The following SLC27A3 variants were observed in gnomAD, a reference collection of about 807,000 sequenced individuals.
SLC27A3 encodes long-chain fatty acid transport protein 3.
Under a neutral mutation model 60.1 loss-of-function variants are expected in SLC27A3, and 60 were observed. The observed-to-expected ratio is 1.00, with a 90% CI of 0.81 to 1.24. SLC27A3 has a LOEUF of 1.24. SLC27A3 is among the 50% of genes most tolerant of loss of function. The probability of loss-of-function intolerance (pLI) is 0.00; values close to 1 mark genes in which losing one functional copy is unlikely to be tolerated. For synonymous variants in SLC27A3, 455 were observed against 409.0 expected (o/e 1.11, Z -1.36); for missense variants, 1,079 against 929.9 (o/e 1.16, Z -2.09).
At position 153,779,450 on chromosome 1, in the gene SLC27A3, C is replaced by G; in HGVS notation, c.1852C>G (p.Arg618Gly). The G allele has an allele frequency of 6.2e-7, 1 of 1,613,648 alleles. No individual in the cohort carries two copies. Among genetic ancestry groups the G allele is most frequent in the Non-Finnish European group, 8.5e-7 (1 of 1,179,960 alleles). The change falls in exon 9 of 10, where the codon CGG becomes GGG. Residue 618 changes from arginine (R) to glycine (G), a missense_variant. By Grantham distance (125) the Arg-to-Gly change is moderately radical. Coordinates refer to ENST00000624995, the MANE Select transcript of SLC27A3 (RefSeq NM_024330.4). ...GTCTGAGAACTTGCCACCTTATGCCCGGCCCCGATTCCTCAGGCTCCAGGT... is the reference window on the plus strand; with the variant it reads ...GTCTGAGAACTTGCCACCTTATGCCGGGCCCCGATTCCTCAGGCTCCAGGT... ...HVSENLPPYA[R>G]PRFLRLQESL...
chr1:153,776,448 A>G, intron 1 of SLC27A3, 70 bp from the exon 2 acceptor site: 1 of 1,422,860 alleles, frequency 7.0e-7, no homozygotes, highest in South Asian at 1.3e-5. Flanking sequence ...TGGGATAGGG[A>G]GGGGACATGG....
intron 3 of SLC27A3, 168 bp from the exon 4 acceptor site, chr1:153,777,592 CG>C: frequency 1.2e-6 from 1 of 818,416 alleles, no homozygotes; most frequent in Non-Finnish European, 1.9e-6. Flanking sequence ...GGACAGGGGC[CG>C]GGGGAGGGGA....
At chr1:153,779,754 A>C in intron 9 of SLC27A3, 72 bp from the exon 10 acceptor site, 1 of 1,444,382 alleles carries the variant, frequency 6.9e-7, no homozygotes, top group Non-Finnish European at 9.5e-7. Flanking sequence ...CCTTAACAAA[A>C]TTCAGGCAAC....
chr1:153,779,742 C>G, intron 9 of SLC27A3, 84 bp from the exon 10 acceptor site: 1 of 1,346,008 alleles, frequency 7.4e-7, no homozygotes, highest in Admixed American at 2.0e-5. Flanking sequence ...CCAAGACTTG[C>G]TCCTTAACAA....
chr1:153,777,858 G>A lies in SLC27A3; in HGVS notation c.1134G>A (p.Leu378=), dbSNP rs1252399501. Residue 378 remains leucine (L), a synonymous_variant, in exon 4 of 10, where the codon CTG becomes CTA. Coordinates refer to ENST00000624995, the MANE Select transcript of SLC27A3 (RefSeq NM_024330.4). ...RVTVFQYIGE[L]CRYLVNQPPS... is the part of the protein sequence containing the mutation. The stretch of plus-strand genomic sequence containing the variant: ...CGGTGTTCCAGTACATTGGGGAGCT[G>A]TGCCGATACCTTGTCAACCAGCCCC... 1.2e-6 allele frequency: 2 copies of A among 1,614,110 alleles called. No homozygotes were observed. Among genetic ancestry groups the A allele is most frequent in the East Asian group, 2.2e-5 (1 of 44,898 alleles).
At chr1:153,778,126 T>C in intron 4 of SLC27A3, 35 bp from the exon 5 acceptor site, 1 of 1,577,662 alleles carries the variant, frequency 6.3e-7, no homozygotes, top group Non-Finnish European at 8.6e-7. Context: ...GGCATCTTGA[T>C]GCTGAAGCTC....
At chr1:153,778,915 G>A (rs1481101349) in intron 7 of SLC27A3, 30 bp downstream of exon 7, 1 of 1,603,062 alleles carries the variant, frequency 6.2e-7, no homozygotes, top group African/African-American at 1.3e-5. Flanking sequence ...TTTTCATCCT[G>A]GACATCTGAT....
At position 153,778,229 on chromosome 1, in the gene SLC27A3, G is replaced by C. The variant is rs905991122; in HGVS notation, c.1230G>C (p.Glu410Asp). The C allele has an allele frequency of 6.2e-7, 1 of 1,613,736 alleles. No individual in the cohort carries two copies. The highest frequency in any genetic ancestry group is 8.5e-7 in the Non-Finnish European group (1 of 1,180,054). Residue 410 changes from glutamate (E) to aspartate (D), a missense_variant, in exon 5 of 10, where the codon GAG becomes GAC. By Grantham distance (45) the Glu-to-Asp change is conservative (BLOSUM62 2). Coordinates refer to ENST00000624995, the MANE Select transcript of SLC27A3 (RefSeq NM_024330.4). ...VGSGLRPDTW[E>D]RFVRRFGPLQ... ...GCGGGCTGCGCCCAGATACCTGGGA[G>C]CGTTTTGTGCGGCGCTTCGGGCCCC...
At position 153,780,005 on chromosome 1, in the gene SLC27A3, A is replaced by ACTT; in HGVS notation, c.*5_*7dup. 6.2e-7 allele frequency: 1 copy of ACTT among 1,609,546 alleles called. No homozygotes were observed. Among genetic ancestry groups the ACTT allele is most frequent in the Non-Finnish European group, 8.5e-7 (1 of 1,177,786 alleles). ...TGGCAGGAAACCTTCGAATCTGAGA[A>ACTT]CTTCCACACCTGAGGCACCTGAGAG... On this transcript the variant is annotated 3_prime_UTR_variant, in exon 10 of 10. Transcript: ENST00000624995.
At position 153,780,037 on chromosome 1, in the gene SLC27A3, T is replaced by C. The variant is rs1169629062; in HGVS notation, c.*35T>C. 4 of 1,580,700 alleles carry C rather than the reference T, an allele frequency of 2.5e-6. No individual in the cohort carries two copies. The highest frequency in any genetic ancestry group is 2.3e-5 in the East Asian group (1 of 43,194). On this transcript the variant is annotated 3_prime_UTR_variant, in exon 10 of 10. Transcript: ENST00000624995. ...CACCTGAGGCACCTGAGAGAGGAAC[T>C]CTGTGGGGTGGGGGCCGTTGCAGGT...
Position 153,779,820 on chromosome 1 carries a change from C to T in SLC27A3, c.1876-6C>T, listed in dbSNP as rs1290914264. Reference sequence around the variant, plus strand: ...CCCTCCAAATCCCTGACCCTCCTGTCCCCAGGAGTCTTTGGCCACCACAGA... The same window carrying T: ...CCCTCCAAATCCCTGACCCTCCTGTTCCCAGGAGTCTTTGGCCACCACAGA... On this transcript the variant is annotated splice_region_variant and splice_polypyrimidine_tract_variant and intron_variant, in intron 9 of 9. Transcript: ENST00000624995. 1.9e-6 allele frequency: 3 copies of T among 1,613,006 alleles called. No individual in the cohort carries two copies. The highest frequency in any genetic ancestry group is 1.3e-5 in the African/African-American group (1 of 74,852).
Position 153,777,080 on chromosome 1 carries a change from G to C in SLC27A3, c.896G>C (p.Arg299Pro), listed in dbSNP as rs138178771. The C allele has an allele frequency of 1.9e-6, 3 of 1,614,070 alleles. No individual in the cohort carries two copies. Among genetic ancestry groups the C allele is most frequent in the Non-Finnish European group, 2.5e-6 (3 of 1,180,038 alleles). The part of the protein sequence containing the change: ...SGTTGLPKAA[R>P]ISHLKILQCQ... ...CCCACAGGCCTCCCCAAGGCTGCTC[G>C]GATCAGTCATCTGAAGATCCTGCAA... Residue 299 changes from arginine to proline, a missense_variant, in exon 3 of 10, where the codon CGG becomes CCG. Arg to Pro is a moderately radical substitution (Grantham distance 103). Transcript: ENST00000624995.
chr1:153,778,725 T>C lies in SLC27A3; in HGVS notation c.1486T>C (p.Ser496Pro). ...GLLVAPVSQQSPFLGYAGGPE... is the reference protein window; with the variant it reads ...GLLVAPVSQQPPFLGYAGGPE... ...GCTGGTGGCCCCGGTAAGCCAGCAG[T>C]CCCCATTCCTGGGCTATGCTGGCGG... is the stretch of plus-strand genomic sequence containing the variant. The change falls in exon 7 of 10, where the codon TCC becomes CCC. Residue 496 changes from serine to proline, a missense_variant. Physicochemically the swap from Ser to Pro is moderately conservative, Grantham distance 74. Coordinates refer to ENST00000624995, the MANE Select transcript of SLC27A3 (RefSeq NM_024330.4). 5 of 1,613,450 alleles carry C rather than the reference T, an allele frequency of 3.1e-6. No homozygotes were observed. Among genetic ancestry groups the C allele is most frequent in the Non-Finnish European group, 4.2e-6 (5 of 1,179,994 alleles).
At position 153,777,768 on chromosome 1, in the gene SLC27A3, A is replaced by G. The variant is rs779577391; in HGVS notation, c.1044A>G (p.Thr348=). Residue 348 remains threonine, a synonymous_variant, in exon 4 of 10, where the codon ACA becomes ACG. Coordinates refer to ENST00000624995, the MANE Select transcript of SLC27A3 (RefSeq NM_024330.4). ...CCTGCCCACTTCTGGCAGGGGCCACAGTGGTGCTGAAATCCAAGTTCTCGG... is the reference window on the plus strand; with the variant it reads ...CCTGCCCACTTCTGGCAGGGGCCACGGTGGTGCTGAAATCCAAGTTCTCGG... ...GIVGCMGIGA[T]VVLKSKFSAG... The G allele has an allele frequency of 5.0e-6, 8 of 1,613,994 alleles. No individual in the cohort carries two copies. The highest frequency in any genetic ancestry group is 1.7e-5 in the Admixed American group (1 of 59,996).
chr1:153,777,859 T>G lies in SLC27A3; in HGVS notation c.1135T>G (p.Cys379Gly). The G allele has an allele frequency of 6.2e-7, 1 of 1,614,192 alleles. No individual in the cohort carries two copies. Among genetic ancestry groups the G allele is most frequent in the South Asian group, 1.1e-5 (1 of 91,082 alleles). The stretch of plus-strand genomic sequence containing the variant: ...GGTGTTCCAGTACATTGGGGAGCTG[T>G]GCCGATACCTTGTCAACCAGCCCCC... ...VTVFQYIGEL[C>G]RYLVNQPPSK... The change falls in exon 4 of 10, where the codon TGC becomes GGC. Residue 379 changes from cysteine (C) to glycine (G), a missense_variant. Coordinates refer to ENST00000624995, the MANE Select transcript of SLC27A3 (RefSeq NM_024330.4).
intron 4 of SLC27A3, 63 bp downstream of exon 4, chr1:153,777,948 A>AGTT (rs1380765822): frequency 6.2e-7 from 1 of 1,605,680 alleles, no homozygotes; most frequent in Non-Finnish European, 8.5e-7. Flanking sequence ...GGAGCAGGAC[A>AGTT]GTTGACAGGA....
chr1:153,777,730 TC>T (rs768623135), intron 3 of SLC27A3, 30 bp from the exon 4 acceptor site: 1 of 1,529,114 alleles, frequency 6.5e-7, no homozygotes, highest in South Asian at 1.1e-5. Flanking sequence ...TAATCTTACC[TC>T]CCTTCTTCCC....
rs763786463 is a variant in SLC27A3 at position 153,775,562 on chromosome 1, T to G, written c.65T>G (p.Leu22Arg). The G allele has an allele frequency of 5.6e-5, 90 of 1,611,006 alleles. No individual in the cohort carries two copies. The highest frequency in any genetic ancestry group is 7.3e-5 in the Non-Finnish European group (86 of 1,179,742). ...LLPLLLLKLH[L>R]WPQLRWLPAD... is the part of the protein sequence containing the mutation. ...CCGCTGCTGCTGCTGAAGCTACACC[T>G]CTGGCCGCAGTTGCGCTGGCTTCCG... Residue 22 changes from leucine to arginine, a missense_variant, in exon 1 of 10, where the codon CTC becomes CGC. Leu to Arg is a moderately radical substitution (Grantham distance 102). Transcript: ENST00000624995.
intron 2 of SLC27A3, 97 bp from the exon 3 acceptor site, chr1:153,776,965 C>A: frequency 7.3e-7 from 1 of 1,368,858 alleles, no homozygotes; most frequent in Non-Finnish European, 1.0e-6. Flanking sequence ...GTCCTGCCTC[C>A]GCCTCTTTCT....
Sources: gnomAD v4.1 joint callset for allele counts on GRCh38, gnomAD v4.1.1 for gene constraint, MANE v1.5 for transcripts, NCBI Gene and HGNC (gene_info 2026-07-23, HGNC 2026-07-21) for gene names.